IDS: variants seen among roughly 807,000 people sequenced by gnomAD.
The protein encoded by IDS is iduronate 2-sulfatase, also known as alpha-L-iduronate sulfate sulfatase.
A neutral mutation model predicts 33.5 loss-of-function variants in IDS; 1 was observed. The observed-to-expected ratio is 0.03, with a 90% CI of 0.01 to 0.14. The LOEUF (loss-of-function observed/expected upper bound fraction) is 0.14. Among genes scored for constraint, IDS ranks in the 10% least tolerant of loss-of-function variants. The pLI, the probability that IDS is intolerant of heterozygous loss-of-function variation, is 1.00. For missense variants in IDS, 328 were observed against 448.0 expected (o/e 0.73, Z 2.42); for synonymous variants, 191 against 184.4 (o/e 1.04, Z -0.29).
rs1488872356 is a variant in IDS at position 149,480,968 on chromosome X, T to C, written c.*1778A>G. 8.9e-6 allele frequency: 1 copy of C among 112,070 alleles called. No individual in the cohort carries two copies. The highest frequency in any genetic ancestry group is 1.9e-5 in the Non-Finnish European group (1 of 53,233). 9.2% of individuals were successfully genotyped at this position (112,070 alleles called of 1,213,427 possible). A position where few individuals can be genotyped will look rare whatever the true frequency, so the allele number is the denominator to read the frequency against. ...AATAAAGTGACGGGAGGACCACTAA[T>C]AAGTTATGTCCAGCTTAGTGGGGTT... On this transcript the variant is annotated 3_prime_UTR_variant, in exon 9 of 9. Transcript: ENST00000340855.
chrX:149,490,850 G>T (rs1249325562), intron 6 of IDS, among the ~76,000 whole-genome samples: 1 of 111,773 alleles, frequency 8.9e-6, no homozygotes, highest in African/African-American at 3.3e-5. Flanking sequence ...TCCCTAGCTG[G>T]TGGTGGTGGC....
chrX:149,484,259 T>C (rs1172127857), intron 8 of IDS, among the ~76,000 whole-genome samples: 1 of 112,781 alleles, frequency 8.9e-6, no homozygotes, highest in Non-Finnish European at 1.9e-5. Flanking sequence ...TTTTACATTC[T>C]TACCAGCAAT....
intron 8 of IDS, 108 bp from the exon 9 acceptor site, chrX:149,483,326 A>C: frequency 1.7e-6 from 1 of 573,684 alleles, no homozygotes; most frequent in East Asian, 3.6e-5. Context: ...TTCTTTTTTT[A>C]ATTTACAACA....
rs1248652896 is a variant in IDS, at chrX:149,496,780, G to A, written c.709-264C>T. ...ACTCTCTTCCTTCATACAAACAGAC[G>A]CCCTTCTGTTCCTGTCCCCACCTCC... On this transcript the variant is annotated intron_variant, in intron 5 of 8. Transcript: ENST00000340855. Among the ~76,000 whole-genome samples the A allele has an allele frequency of 3.6e-5, 4 of 111,948 alleles. No homozygotes were observed. In the East Asian group the frequency reaches 8.4e-4, roughly 23 times the overall value.
chrX:149,505,025 TG>T lies in IDS; in HGVS notation c.103+9del. The T allele has an allele frequency of 8.5e-7, 1 of 1,179,680 alleles. No individual in the cohort carries two copies. The highest frequency in any genetic ancestry group is 1.2e-6 in the Non-Finnish European group (1 of 868,510). Reference sequence around the variant, plus strand: ...GGGAGAAGAGATGGCAGGGAGGGCGTGGGCGGCACCTGTGGTCGAGTTGGCC... The same window carrying T: ...GGGAGAAGAGATGGCAGGGAGGGCGTGGCGGCACCTGTGGTCGAGTTGGCC... On this transcript the variant is annotated intron_variant, in intron 1 of 8. Coordinates refer to ENST00000340855, the MANE Select transcript of IDS (RefSeq NM_000202.8).
rs782631471 is a variant in IDS at position 149,487,271 on chromosome X, T to C, written c.1007-173A>G. 74 of 1,206,878 alleles carry C rather than the reference T, an allele frequency of 6.1e-5. No individual in the cohort carries two copies. The Middle Eastern group carries it at 9.3e-4, about 15-fold the overall frequency. ...CACAGAAAGGGTTATTTCAACTGAA[T>C]GCTGCTTTATTCAAAATCAGGTATT... On this transcript the variant is annotated intron_variant, in intron 7 of 8. Coordinates refer to ENST00000340855, the MANE Select transcript of IDS (RefSeq NM_000202.8).
chrX:149,483,290 AGGAACCTGTCT>A (rs1186566151), intron 8 of IDS, 72 bp from the exon 9 acceptor site: 21 of 811,645 alleles, frequency 2.6e-5, no homozygotes, highest in Non-Finnish European at 3.5e-5. Context: ...GGAGCAGTAA[AGGAACCTGTCT>A]GGGCTCCATA....
At chrX:149,484,154 G>C (rs782198982) in intron 8 of IDS, among the ~76,000 whole-genome samples, 2 of 112,287 alleles carry the variant, frequency 1.8e-5, no homozygotes, top group Non-Finnish European at 3.8e-5. Context: ...TCAGCTCTGT[G>C]GATATATACC....
chrX:149,498,207 T>A lies in IDS; in HGVS notation c.608A>T (p.Glu203Val), dbSNP rs2124046817. The part of the protein sequence containing the change: ...EGTLPDKQST[E>V]QAIQLLEKMK... ...CTTTTCCAACAACTGTATGGCTTGC[T>A]CAGTGCTCTGTTTGTCAGGCAAGGT... is the stretch of plus-strand genomic sequence containing the variant. The change falls in exon 5 of 9, where the codon GAG becomes GTG. Residue 203 changes from glutamate (E) to valine (V), a missense_variant. Around this residue, in one of 4 missense-constraint regions of IDS, gnomAD observed 265 missense variants for 339.2 expected, o/e 0.78. Transcript: ENST00000340855. 2.5e-6 allele frequency: 3 copies of A among 1,211,587 alleles called. No homozygotes were observed. In the South Asian group the frequency reaches 5.3e-5, roughly 21 times the overall value.
At chrX:149,486,019 G>C (rs141474408) in intron 8 of IDS, among the ~76,000 whole-genome samples, 2 of 111,596 alleles carry the variant, frequency 1.8e-5, no homozygotes, top group African/African-American at 6.5e-5. Context: ...TCCAGAAAGG[G>C]GGCAATCTGG....
rs1205692712 is a variant in IDS at position 149,480,303 on chromosome X, G to A, written c.*2443C>T. ...AACTACTTGGAAAGAAAGGGAGAAG[G>A]ACTGAGAAGATGGCAATGGGAGTGG... On this transcript the variant is annotated 3_prime_UTR_variant, in exon 9 of 9. Coordinates refer to ENST00000340855, the MANE Select transcript of IDS (RefSeq NM_000202.8). 3.4e-6 allele frequency: 1 copy of A among 295,402 alleles called. No homozygotes were observed. The highest frequency in any genetic ancestry group is 5.9e-6 in the Non-Finnish European group (1 of 169,990). The allele number at this position is 295,402 out of a possible 1,213,427, so 24.3% of individuals were successfully genotyped here. A position where few individuals can be genotyped will look rare whatever the true frequency, so the allele number is the denominator to read the frequency against.
intron 8 of IDS, among the ~76,000 whole-genome samples, chrX:149,485,873 A>C (rs1557337991): frequency 8.9e-6 from 1 of 112,302 alleles, no homozygotes; most frequent in Non-Finnish European, 1.9e-5. Context: ...AGTGCAAAAA[A>C]TAAAATTGGG....
At chrX:149,500,173 G>A (rs782058600) in intron 4 of IDS, among the ~76,000 whole-genome samples, 25 of 111,870 alleles carry the variant, frequency 2.2e-4, no homozygotes, top group Non-Finnish European at 3.9e-4. Context: ...CCTGGCATTC[G>A]TAAGTGAGGC....
rs1557338146 is a variant in IDS at position 149,487,039 on chromosome X, G to A, written c.1066C>T (p.His356Tyr). The change falls in exon 8 of 9, where the codon CAT becomes TAT. Residue 356 changes from histidine to tyrosine, a missense_variant. Physicochemically the swap from His to Tyr is moderately conservative, Grantham distance 83. Coordinates refer to ENST00000340855, the MANE Select transcript of IDS (RefSeq NM_000202.8). ...AKYSNFDVATHVPLIFYVPGR... is the reference protein window; with the variant it reads ...AKYSNFDVATYVPLIFYVPGR... ...GGAACATAGAATATCAGGGGAACAT[G>A]GGTAGCAACATCAAAATTGCTGTAT... 8.3e-7 allele frequency: 1 copy of A among 1,211,312 alleles called. No homozygotes were observed. Among genetic ancestry groups the A allele is most frequent in the South Asian group, 1.8e-5 (1 of 57,002 alleles).
chrX:149,496,633 G>T, intron 5 of IDS, 117 bp from the exon 6 acceptor site: 1 of 764,353 alleles, frequency 1.3e-6, no homozygotes, highest in Non-Finnish European at 2.0e-6. Flanking sequence ...TTGAGTGGTG[G>T]CTCACTAGCA....
chrX:149,495,849 C>A (rs2089431792), intron 6 of IDS, among the ~76,000 whole-genome samples: 1 of 112,361 alleles, frequency 8.9e-6, no homozygotes, highest in Non-Finnish European at 1.9e-5. Context: ...TGGCACTGGC[C>A]ATGATGGTGT....
At chrX:149,498,370 A>G (rs1161138965) in intron 4 of IDS, 63 bp from the exon 5 acceptor site, 3 of 913,776 alleles carry the variant, frequency 3.3e-6, no homozygotes, top group Non-Finnish European at 4.7e-6. Context: ...CATGAAGGCT[A>G]CACACACAGA....
intron 4 of IDS, among the ~76,000 whole-genome samples, chrX:149,499,797 A>G (rs1602744568): frequency 8.9e-6 from 1 of 111,867 alleles, no homozygotes; most frequent in Admixed American, 9.4e-5. Flanking sequence ...ACAGGGTCCC[A>G]ATCAACTTGA....
Position 149,479,693 on chromosome X carries a change from C to T in IDS, c.*3053G>A, listed in dbSNP as rs2089285251. 1 of 111,249 alleles carries T rather than the reference C, an allele frequency of 9.0e-6. No homozygotes were observed. The highest frequency in any genetic ancestry group is 1.9e-5 in the Non-Finnish European group (1 of 53,083). The allele number at this position is 111,249 out of a possible 1,213,427, so 9.2% of individuals were successfully genotyped here. A position where few individuals can be genotyped will look rare whatever the true frequency, so the allele number is the denominator to read the frequency against. ...TCTTTGTGAAAATCTATAATAACCA[C>T]ACATAATACTTAGTAAAAAAGAACA... On this transcript the variant is annotated 3_prime_UTR_variant, in exon 9 of 9. Coordinates refer to ENST00000340855, the MANE Select transcript of IDS (RefSeq NM_000202.8).
Sources: gnomAD v4.1 joint callset for allele counts (sites outside exome capture counted in the v4.1 genomes callset) on GRCh38, gnomAD v4.1.1 for gene constraint, gnomAD v4.1.1 regional missense constraint, MANE v1.5 for transcripts, NCBI Gene and HGNC (gene_info 2026-07-23, HGNC 2026-07-21) for gene names.